Variants in DENND2B observed in about 807,000 individuals in gnomAD.
The protein encoded by DENND2B is DENN domain containing 2B, also known as DENN domain-containing protein 2B.
Under a neutral mutation model 116.0 loss-of-function variants are expected in DENND2B, and 32 were observed. That is an observed-to-expected ratio of 0.28 (90% CI 0.21 to 0.37). DENND2B has a LOEUF of 0.37. Ranked by LOEUF, DENND2B falls within the 10% of genes least tolerant of loss-of-function variation. The probability of loss-of-function intolerance (pLI) is 1.00; values close to 1 mark genes in which losing one functional copy is unlikely to be tolerated. For synonymous variants in DENND2B, 588 were observed against 583.9 expected (o/e 1.01, Z -0.10); for missense variants, 1,276 against 1,477.7 (o/e 0.86, Z 2.24).
At chr11:8,697,914 G>T (rs1296444422) in intron 16 of DENND2B, 1 of 510,836 alleles carries the variant, frequency 2.0e-6, no homozygotes, top group Non-Finnish European at 3.7e-6. Context: ...GATCGCTTGA[G>T]CCCAGGAGGG....
intron 2 of DENND2B, among the ~76,000 whole-genome samples, chr11:8,741,258 T>C (rs926481419): frequency 6.6e-6 from 1 of 152,178 alleles, no homozygotes; most frequent in African/African-American, 2.4e-5. Context: ...TAAGAATCTA[T>C]GGAAGCCACA....
chr11:8,877,445 G>A (rs1447771052), intron 2 of DENND2B: 8 of 151,744 alleles, frequency 5.3e-5, no homozygotes. Context: ...AGCAGTGGGA[G>A]CAGAGAAGGA....
Position 8,702,542 on chromosome 11 carries a change from C to A in DENND2B, c.2720+30G>T. ...CTTGTGGGTGTGCCTTCCCCCCTCCCTTCTGCTTTCTTGCCCGGCTGGGCC... is the reference window on the plus strand; with the variant it reads ...CTTGTGGGTGTGCCTTCCCCCCTCCATTCTGCTTTCTTGCCCGGCTGGGCC... On this transcript the variant is annotated intron_variant, in intron 14 of 19. Coordinates refer to ENST00000313726, the MANE Select transcript of DENND2B (RefSeq NM_213618.2). The surrounding 1 kb of genome is among the most constrained non-coding windows in gnomAD (Gnocchi z 4.6). 6.2e-7 allele frequency: 1 copy of A among 1,607,676 alleles called. No homozygotes were observed. Among genetic ancestry groups the A allele is most frequent in the Non-Finnish European group, 8.5e-7 (1 of 1,179,964 alleles).
At chr11:8,824,673 C>T (rs2061903495) in intron 4 of DENND2B, among the ~76,000 whole-genome samples, 1 of 151,476 alleles carries the variant, frequency 6.6e-6, no homozygotes, top group Admixed American at 6.6e-5. Flanking sequence ...GTGCTTGTAT[C>T]TTTATAATCA....
intron 1 of DENND2B, among the ~76,000 whole-genome samples, chr11:8,896,320 A>G (rs2064100960): frequency 6.6e-6 from 1 of 152,216 alleles, no homozygotes; most frequent in Non-Finnish European, 1.5e-5. Flanking sequence ...AGAATATATA[A>G]AAGTAAGCCT....
chr11:8,743,913 A>AT (rs371544324), intron 2 of DENND2B, among the ~76,000 whole-genome samples: 35 of 148,900 alleles, frequency 2.4e-4, no homozygotes, highest in South Asian at 8.5e-4. Context: ...TGCCTGATTA[A>AT]TTTTTTTTTT....
At chr11:8,898,107 T>C (rs1041841194) in intron 1 of DENND2B, among the ~76,000 whole-genome samples, 12 of 152,234 alleles carry the variant, frequency 7.9e-5, no homozygotes, top group Admixed American at 5.9e-4. Flanking sequence ...CCCCAAACTA[T>C]ACACAGATTA....
chr11:8,706,302 C>T (rs1024666918), intron 13 of DENND2B, among the ~76,000 whole-genome samples: 1 of 152,146 alleles, frequency 6.6e-6, no homozygotes, highest in Admixed American at 6.5e-5. Flanking sequence ...TCTTATCATA[C>T]CCCTGCTTTA....
chr11:8,800,772 G>A (rs533717915), intron 1 of DENND2B, among the ~76,000 whole-genome samples: 1 of 152,060 alleles, frequency 6.6e-6, no homozygotes, highest in African/African-American at 2.4e-5. Context: ...TGCTAAATTT[G>A]GCAGCAAAAG....
chr11:8,861,456 G>C (rs904118695), intron 2 of DENND2B, among the ~76,000 whole-genome samples: 4 of 152,198 alleles, frequency 2.6e-5, no homozygotes, highest in African/African-American at 9.6e-5. Flanking sequence ...TCATCAGGGA[G>C]ATGCAAATTA....
intron 2 of DENND2B, among the ~76,000 whole-genome samples, chr11:8,741,913 ACAGTGTCTCACTCTGTTGC>A (rs1328775251): frequency 7.0e-6 from 1 of 142,470 alleles, no homozygotes; most frequent in East Asian, 2.1e-4. Context: ...TTTTTGAGAG[ACAGTGTCTCACTCTGTTGC>A]CAGGCTGCAG....
chr11:8,724,985 A>G (rs1186459372), intron 4 of DENND2B, among the ~76,000 whole-genome samples: 1 of 152,232 alleles, frequency 6.6e-6, no homozygotes, highest in Non-Finnish European at 1.5e-5. Flanking sequence ...CATGGGACTT[A>G]GGCACAAGGG....
chr11:8,903,073 T>A (rs1378142128), intron 1 of DENND2B, among the ~76,000 whole-genome samples: 1 of 152,200 alleles, frequency 6.6e-6, no homozygotes, highest in Non-Finnish European at 1.5e-5. Context: ...TTGGACAGGA[T>A]GGTCTCGATC....
chr11:8,794,407 C>T (rs2059639804), intron 1 of DENND2B, among the ~76,000 whole-genome samples: 1 of 152,174 alleles, frequency 6.6e-6, no homozygotes. Context: ...CCTTCCACCC[C>T]GGGGACAGCA....
At chr11:8,709,879 T>C (rs1035829576) in intron 11 of DENND2B, among the ~76,000 whole-genome samples, 6 of 152,180 alleles carry the variant, frequency 3.9e-5, no homozygotes, top group Non-Finnish European at 8.8e-5. Flanking sequence ...TTCCCTCCTG[T>C]GTTGAAAGTC....
Position 8,697,556 on chromosome 11 carries a change from G to C in DENND2B, c.3021C>G (p.Ile1007Met). 3 of 1,614,168 alleles carry C rather than the reference G, an allele frequency of 1.9e-6. No homozygotes were observed. The highest frequency in any genetic ancestry group is 1.7e-6 in the Non-Finnish European group (2 of 1,179,968). The change falls in exon 17 of 20, where the codon ATC becomes ATG. Residue 1007 changes from isoleucine (I) to methionine (M), a missense_variant. Transcript: ENST00000313726. ...CGGAGTCGCTGTCAGAGTCCTGGGAGATCAGCTCATTCTTCCTCTCCAGAG... is the reference window on the plus strand; with the variant it reads ...CGGAGTCGCTGTCAGAGTCCTGGGACATCAGCTCATTCTTCCTCTCCAGAG... ...EQALERKNELISQDSDSDSDD... is the reference protein window; with the variant it reads ...EQALERKNELMSQDSDSDSDD...
Position 8,694,033 on chromosome 11 carries a change from C to A in DENND2B, c.*63G>T. 6.3e-7 allele frequency: 1 copy of A among 1,598,978 alleles called. No individual in the cohort carries two copies. Among genetic ancestry groups the A allele is most frequent in the Non-Finnish European group, 8.6e-7 (1 of 1,168,588 alleles). ...CCACAGCAGCCCAGAGGGTCCCAGG[C>A]TGGGCCTTCTCCCCAGGCTTCAGGC... On this transcript the variant is annotated 3_prime_UTR_variant, in exon 20 of 20. Coordinates refer to ENST00000313726, the MANE Select transcript of DENND2B (RefSeq NM_213618.2).
intron 2 of DENND2B, among the ~76,000 whole-genome samples, chr11:8,858,887 G>T (rs565218242): frequency 6.6e-6 from 1 of 152,266 alleles, no homozygotes; most frequent in African/African-American, 2.4e-5. Context: ...ATATTATAAG[G>T]TTGTCTGGAA....
At chr11:8,733,190 A>G (rs2048394123) in intron 2 of DENND2B, among the ~76,000 whole-genome samples, 1 of 152,234 alleles carries the variant, frequency 6.6e-6, no homozygotes, top group Non-Finnish European at 1.5e-5. Flanking sequence ...TCCCTGGGGT[A>G]GGGAGCGGCA....
Sources: allele counts gnomAD v4.1 joint callset (sites outside exome capture counted in the v4.1 genomes callset), GRCh38; gene constraint gnomAD v4.1.1; non-coding constraint Gnocchi (gnomAD v3.1); transcripts MANE v1.5; gene names NCBI Gene and HGNC (gene_info 2026-07-23, HGNC 2026-07-21).